Variants in OCIAD1 observed in about 807,000 individuals in gnomAD.
The protein encoded by OCIAD1 is OCIA domain-containing protein 1.
OCIAD1 carries 29 observed loss-of-function variants against 38.9 expected under a neutral mutation model. The observed-to-expected ratio is 0.74, with a 90% CI of 0.55 to 1.02. The LOEUF is 1.02. Among genes scored for constraint, OCIAD1 ranks in the 50% least tolerant of loss-of-function variants. OCIAD1 has a pLI of 0.00. For missense variants in OCIAD1, 288 were observed against 289.6 expected (o/e 0.99, Z 0.04); for synonymous variants, 110 against 92.0 (o/e 1.20, Z -1.12).
chr4:48,860,811 AG>A lies in OCIAD1; in HGVS notation c.*51del. On this transcript the variant is annotated 3_prime_UTR_variant, in exon 9 of 9. Coordinates refer to ENST00000264312, the MANE Select transcript of OCIAD1 (RefSeq NM_017830.4). The stretch of plus-strand genomic sequence containing the variant: ...GGAGTTTCAACATCCAGCTTCATCT[AG>A]GTGGTCATGATTACCTGCATGCTTT... 7.2e-7 allele frequency: 1 copy of A among 1,382,150 alleles called. No homozygotes were observed. Among genetic ancestry groups the A allele is most frequent in the Non-Finnish European group, 1.0e-6 (1 of 971,024 alleles). The allele number at this position is 1,382,150 out of a possible 1,614,324, so 85.6% of individuals were successfully genotyped here. A position where few individuals can be genotyped will look rare whatever the true frequency, so the allele number is the denominator to read the frequency against.
chr4:48,845,984 G>A (rs1042430638), intron 4 of OCIAD1, among the ~76,000 whole-genome samples: 1 of 152,162 alleles, frequency 6.6e-6, no homozygotes, highest in Non-Finnish European at 1.5e-5. Flanking sequence ...CCTGACAGAG[G>A]ACATACATAG....
upstream of OCIAD1, chr4:48,830,486 T>C (rs779917263): frequency 1.3e-5 from 2 of 152,184 alleles, no homozygotes; most frequent in Non-Finnish European, 2.9e-5. Context: ...CAGCACCATG[T>C]CTGATGTGTA....
upstream of OCIAD1, chr4:48,805,209 AG>A (rs1777012485): frequency 6.6e-6 from 1 of 152,178 alleles, no homozygotes; most frequent in Non-Finnish European, 1.5e-5. Context: ...ACCAGCACTA[AG>A]GAGATGAACT....
At chr4:48,831,506 G>C (rs112527680) in intron 1 of OCIAD1, 4 of 1,290,452 alleles carry the variant, frequency 3.1e-6, no homozygotes, top group Non-Finnish European at 4.0e-6. Context: ...GGTGGGAGAC[G>C]GACACTGGGT....
intron 1 of OCIAD1, among the ~76,000 whole-genome samples, chr4:48,820,074 C>T (rs1443981709): frequency 6.6e-6 from 1 of 152,158 alleles, no homozygotes; most frequent in East Asian, 1.9e-4. Flanking sequence ...ACAGAACTCT[C>T]CAACCCAAAT....
At chr4:48,845,255 G>A (rs527783391) in intron 4 of OCIAD1, among the ~76,000 whole-genome samples, 36 of 152,150 alleles carry the variant, frequency 2.4e-4, no homozygotes, top group South Asian at 1.0e-3. Flanking sequence ...TTTTTACTTC[G>A]TTTAACCCAT....
chr4:48,847,251 T>G (rs1779054285), intron 4 of OCIAD1, among the ~76,000 whole-genome samples: 1 of 152,238 alleles, frequency 6.6e-6, no homozygotes, highest in Admixed American at 6.5e-5. Flanking sequence ...TCTTTTTCTG[T>G]GAAGTATCTG....
At chr4:48,823,608 T>C (rs1286418577) in intron 1 of OCIAD1, among the ~76,000 whole-genome samples, 1 of 152,108 alleles carries the variant, frequency 6.6e-6, no homozygotes, top group Non-Finnish European at 1.5e-5. Flanking sequence ...TTGAAATGGC[T>C]ATACACATTT....
intron 7 of OCIAD1, among the ~76,000 whole-genome samples, chr4:48,855,815 C>CAAA (rs752582945): frequency 1.2e-5 from 1 of 83,520 alleles, no homozygotes. Context: ...GACTCTGTCT[C>CAAA]AAAAAAAAAA....
chr4:48,857,106 T>G, intron 7 of OCIAD1, 107 bp from the exon 8 acceptor site: 1 of 542,940 alleles, frequency 1.8e-6, no homozygotes, highest in South Asian at 6.0e-5. Flanking sequence ...TGATTCTTTA[T>G]TCTATTTTGA....
intron 3 of OCIAD1, among the ~76,000 whole-genome samples, chr4:48,835,615 T>G (rs1037299729): frequency 2.6e-5 from 4 of 152,112 alleles, no homozygotes; most frequent in African/African-American, 9.7e-5. Flanking sequence ...TTTTTATTTT[T>G]GTAGATACTA....
intron 1 of OCIAD1, among the ~76,000 whole-genome samples, chr4:48,810,056 A>G (rs762217825): frequency 3.3e-5 from 5 of 152,118 alleles, no homozygotes; most frequent in African/African-American, 7.2e-5. Flanking sequence ...TTATTTTGAG[A>G]ACTAAATGAA....
At chr4:48,809,935 G>T (rs193258014) in intron 1 of OCIAD1, among the ~76,000 whole-genome samples, 2 of 152,250 alleles carry the variant, frequency 1.3e-5, no homozygotes, top group Non-Finnish European at 2.9e-5. Context: ...AGACCGTATG[G>T]ATTTGAATCC....
intron 1 of OCIAD1, among the ~76,000 whole-genome samples, chr4:48,812,490 G>C (rs1777100213): frequency 6.6e-6 from 1 of 151,652 alleles, no homozygotes; most frequent in African/African-American, 2.4e-5. Context: ...AACTGAAAAA[G>C]AGTGGTCAGT....
At chr4:48,845,067 G>T (rs1427215806) in intron 4 of OCIAD1, among the ~76,000 whole-genome samples, 1 of 151,906 alleles carries the variant, frequency 6.6e-6, no homozygotes. Flanking sequence ...ACTCCACGTG[G>T]TCTTAGATGT....
At chr4:48,841,254 C>T (rs867862756) in intron 3 of OCIAD1, among the ~76,000 whole-genome samples, 2 of 152,286 alleles carry the variant, frequency 1.3e-5, no homozygotes, top group South Asian at 4.1e-4. Flanking sequence ...CTTCATAGAA[C>T]GTGTTTGCCA....
chr4:48,830,830 G>C (rs929863186), upstream of OCIAD1, among the ~76,000 whole-genome samples: 8 of 152,108 alleles, frequency 5.3e-5, no homozygotes, highest in African/African-American at 1.7e-4. Flanking sequence ...GACCAGAGAG[G>C]TGCATCACAA....
intron 3 of OCIAD1, among the ~76,000 whole-genome samples, chr4:48,836,918 CATCAT>C (rs1778034808): frequency 6.6e-6 from 1 of 152,276 alleles, no homozygotes; most frequent in African/African-American, 2.4e-5. Context: ...GATGCATAGT[CATCAT>C]AAAGTAAGGG....
intron 3 of OCIAD1, among the ~76,000 whole-genome samples, chr4:48,839,215 C>A (rs937796007): frequency 3.3e-5 from 5 of 152,056 alleles, no homozygotes; most frequent in Non-Finnish European, 7.4e-5. Context: ...GTGGGTGGAT[C>A]ACTTGAGGTC....
Sources: allele counts gnomAD v4.1 joint callset (sites outside exome capture counted in the v4.1 genomes callset), GRCh38; gene constraint gnomAD v4.1.1; transcripts MANE v1.5; gene names NCBI Gene and HGNC (gene_info 2026-07-23, HGNC 2026-07-21).